Variants in CDH26 observed in about 807,000 individuals in gnomAD.
CDH26 encodes cadherin 26.
Under a neutral mutation model 90.3 loss-of-function variants are expected in CDH26, and 83 were observed. That is an observed-to-expected ratio of 0.92 (90% confidence interval 0.77 to 1.10). The LOEUF (loss-of-function observed/expected upper bound fraction) is 1.10, where lower values mean the gene tolerates loss of function less well. CDH26 is among the 50% of genes least tolerant of loss of function. The pLI is 0.00. For missense variants in CDH26, 1,013 were observed against 1,037.6 expected (o/e 0.98, Z 0.33); for synonymous variants, 397 against 396.3 (o/e 1.00, Z -0.02).
At chr20:60,007,333 C>T (rs1043326113) in intron 17 of CDH26, among the ~76,000 whole-genome samples, 9 of 152,196 alleles carry the variant, frequency 5.9e-5, no homozygotes, top group African/African-American at 2.2e-4. Context: ...ATTGACACAG[C>T]ACAGGCAAGC....
At chr20:60,027,621 T>C (rs974447830) in intron 7 of CDH26, among the ~76,000 whole-genome samples, 1 of 152,162 alleles carries the variant, frequency 6.6e-6, no homozygotes, top group Non-Finnish European at 1.5e-5. Flanking sequence ...ACTTCACCAT[T>C]CCATGAGTTT....
At chr20:60,022,321 C>T (rs1798854262) in intron 7 of CDH26, among the ~76,000 whole-genome samples, 1 of 152,134 alleles carries the variant, frequency 6.6e-6, no homozygotes, top group African/African-American at 2.4e-5. Flanking sequence ...TTATTATGAA[C>T]ATTAGCCTCC....
chr20:59,958,822 C>T, intron 1 of CDH26, 27 bp downstream of exon 1: 4 of 1,606,246 alleles, frequency 2.5e-6, no homozygotes, highest in Non-Finnish European at 3.4e-6. Flanking sequence ...GCCTAGTGCT[C>T]AGGTGCAGGG....
At chr20:59,996,466 G>A in intron 12 of CDH26, 165 bp from the exon 13 acceptor site, 1 of 1,606,928 alleles carries the variant, frequency 6.2e-7, no homozygotes, top group African/African-American at 1.3e-5. Context: ...AGCATCTACT[G>A]GTACCCTGGA....
At chr20:59,988,253 C>T (rs1293675819) in intron 8 of CDH26, among the ~76,000 whole-genome samples, 1 of 152,152 alleles carries the variant, frequency 6.6e-6, no homozygotes, top group Non-Finnish European at 1.5e-5. Flanking sequence ...CAGTCTGACC[C>T]CAGTGCCTCT....
intron 14 of CDH26, among the ~76,000 whole-genome samples, chr20:60,000,818 G>A (rs74599247): frequency 8.3e-4 from 126 of 152,296 alleles, no homozygotes; most frequent in African/African-American, 2.7e-3. Flanking sequence ...AAGTGAAGCC[G>A]TCACTTATGA....
intron 9 of CDH26, among the ~76,000 whole-genome samples, chr20:59,991,396 G>T (rs190856233): frequency 6.6e-6 from 1 of 152,284 alleles, no homozygotes; most frequent in African/African-American, 2.4e-5. Context: ...GATCTGGGTT[G>T]GGGGCAGCTT....
intron 14 of CDH26, among the ~76,000 whole-genome samples, chr20:60,000,183 G>T (rs941802199): frequency 3.9e-5 from 6 of 152,354 alleles, no homozygotes; most frequent in Admixed American, 3.9e-4. Flanking sequence ...GGAAGGCAGA[G>T]CGTGGAAGCC....
chr20:59,996,530 C>A (rs1334275099), intron 12 of CDH26, 101 bp from the exon 13 acceptor site: 1 of 1,613,976 alleles, frequency 6.2e-7, no homozygotes, highest in Admixed American at 1.7e-5. Context: ...TTGGCCTTGC[C>A]AGTTCATGAC....
rs546934442 is a variant in CDH26 at position 59,972,896 on chromosome 20, A to T, written c.393+773A>T. On this transcript the variant is annotated intron_variant, in intron 4 of 17. Transcript: ENST00000348616. The stretch of plus-strand genomic sequence containing the variant: ...CTCAAAGTACTTATATACACAATAA[A>T]AGATATACCCTTAACTCACTGATAG... Among the ~76,000 whole-genome samples, 3 of 152,292 alleles carry T rather than the reference A, an allele frequency of 2.0e-5. No individual in the cohort carries two copies. The South Asian group carries it at 6.2e-4, about 32-fold the overall frequency.
chr20:59,968,571 C>CA lies in CDH26; in HGVS notation c.70-388dup, dbSNP rs201223010. On this transcript the variant is annotated intron_variant, in intron 1 of 17. Coordinates refer to ENST00000348616, the MANE Select transcript of CDH26 (RefSeq NM_177980.4). ...TAAATAATGTCTTAGAAATAAGGGG[C>CA]AAAAAAAACAAAAGAAAAGCCCACT... 8.7e-3 allele frequency among the ~76,000 whole-genome samples: 1,306 copies of CA among 150,622 alleles called. 24 individuals are homozygous for CA. The highest frequency in any genetic ancestry group is 0.029 in the African/African-American group (1,206 of 41,056).
chr20:60,025,562 G>A (rs757866418), intron 7 of CDH26, among the ~76,000 whole-genome samples: 11 of 152,234 alleles, frequency 7.2e-5, no homozygotes, highest in African/African-American at 1.2e-4. Context: ...TGGGTGATCA[G>A]CCTCAGCGAC....
At position 59,958,578 on chromosome 20, in the gene CDH26, TG is replaced by T. The variant is rs1178545220; in HGVS notation, c.-146del. 1.4e-6 allele frequency: 1 copy of T among 707,290 alleles called. No homozygotes were observed. 43.8% of individuals were successfully genotyped at this position (707,290 alleles called of 1,614,324 possible). A position where few individuals can be genotyped will look rare whatever the true frequency, so the allele number is the denominator to read the frequency against. ...AAAAGCTGAAAAGGGAGGAGCAAGA[TG>T]GGATGAAAGCATCTGGGCCAAAGTG... On this transcript the variant is annotated 5_prime_UTR_variant, in exon 1 of 18. It introduces an in-frame stop codon into an upstream open reading frame of the 5' UTR. Coordinates refer to ENST00000348616, the MANE Select transcript of CDH26 (RefSeq NM_177980.4).
intron 4 of CDH26, 53 bp from the exon 5 acceptor site, chr20:59,982,870 A>G (rs1238720297): frequency 1.5e-5 from 24 of 1,581,590 alleles, no homozygotes; most frequent in Non-Finnish European, 2.1e-5. Flanking sequence ...ATTTTATTAG[A>G]GTGTCATCGA....
Position 59,992,927 on chromosome 20 carries a change from T to C in CDH26, c.1426+407T>C, listed in dbSNP as rs1284334386. Among the ~76,000 whole-genome samples the C allele has an allele frequency of 6.6e-6, 1 of 152,068 alleles. No homozygotes were observed. The highest frequency in any genetic ancestry group is 6.6e-5 in the Admixed American group (1 of 15,240). Reference sequence around the variant, plus strand: ...GGGACACATTTGTCATAAACCAGAATGGGTGGTTTTATAAGCCTGTTTCAG... The same window carrying C: ...GGGACACATTTGTCATAAACCAGAACGGGTGGTTTTATAAGCCTGTTTCAG... On this transcript the variant is annotated intron_variant, in intron 10 of 17. Transcript: ENST00000348616. This position sits in a 1 kb window ranked among gnomAD's most constrained non-coding sequence, Gnocchi z 5.0.
At chr20:59,977,482 T>C (rs1371738892) in intron 4 of CDH26, among the ~76,000 whole-genome samples, 1 of 151,906 alleles carries the variant, frequency 6.6e-6, no homozygotes, top group Non-Finnish European at 1.5e-5. Flanking sequence ...TTTAAAAATA[T>C]GTATATTTAT....
intron 7 of CDH26, among the ~76,000 whole-genome samples, chr20:60,025,002 G>C (rs1354867811): frequency 6.6e-6 from 1 of 152,178 alleles, no homozygotes; most frequent in Non-Finnish European, 1.5e-5. Context: ...CTGCCGACCT[G>C]AAGGGGGACT....
intron 7 of CDH26, among the ~76,000 whole-genome samples, chr20:60,026,418 GA>G (rs2061998081): frequency 1.3e-5 from 2 of 151,962 alleles, no homozygotes; most frequent in Non-Finnish European, 2.9e-5. Context: ...GAGAGAGAGA[GA>G]GAGAGAGGGA....
At chr20:59,968,377 G>A (rs898577842) in intron 1 of CDH26, among the ~76,000 whole-genome samples, 17 of 152,140 alleles carry the variant, frequency 1.1e-4, no homozygotes, top group Non-Finnish European at 1.8e-4. Context: ...GATTACACGC[G>A]TGAGCCACCG....
Sources: allele counts gnomAD v4.1 joint callset (sites outside exome capture counted in the v4.1 genomes callset), GRCh38; gene constraint gnomAD v4.1.1; non-coding constraint Gnocchi (gnomAD v3.1); transcripts MANE v1.5; gene names NCBI Gene and HGNC (gene_info 2026-07-23, HGNC 2026-07-21).